FANCA: variants seen among roughly 807,000 people sequenced by gnomAD.
FANCA encodes Fanconi anemia group A protein.
A neutral mutation model predicts 194.3 loss-of-function variants in FANCA; 236 were observed. That is an observed-to-expected ratio of 1.21 (90% CI 1.09 to 1.35). The LOEUF is 1.35. Among genes scored for constraint, FANCA ranks in the 40% most tolerant of loss-of-function variants. FANCA has a pLI of 0.00. For synonymous variants in FANCA, 1,014 were observed against 715.8 expected, an observed-to-expected ratio of 1.42 and a Z score of -6.65; for missense variants, 2,628 against 1,813.9, an observed-to-expected ratio of 1.45 and a Z score of -8.15.
intron 32 of FANCA, 117 bp from the exon 33 acceptor site, chr16:89,748,884 C>G: frequency 2.4e-6 from 2 of 820,924 alleles, no homozygotes; most frequent in Non-Finnish European, 4.1e-6. Context: ...ACTGTTGGAA[C>G]CAGAGCCTTG....
intron 29 of FANCA, among the ~76,000 whole-genome samples, chr16:89,760,612 G>A (rs1463219137): frequency 1.3e-5 from 2 of 152,104 alleles, no homozygotes; most frequent in African/African-American, 4.8e-5. Context: ...ACGGTCCTCT[G>A]GGCTCCCTAC....
In FANCA at chr16:89,816,414, C is replaced by G. The variant is rs1220012166; in HGVS notation, c.79+123G>C. On this transcript the variant is annotated intron_variant, in intron 1 of 42. Transcript: ENST00000389301. ...CCAGCCGGGCGCCCACCCCGCACAG[C>G]CCCCCGGGCGCGGCGTCCGGGGATC... 4.6e-6 allele frequency: 4 copies of G among 862,422 alleles called. No individual in the cohort carries two copies. In the East Asian group the frequency reaches 1.1e-4, roughly 23 times the overall value. 53.4% of individuals were successfully genotyped at this position (862,422 alleles called of 1,614,324 possible).
At chr16:89,816,351 G>A in intron 1 of FANCA, 186 bp downstream of exon 1, 2 of 322,674 alleles carry the variant, frequency 6.2e-6, no homozygotes, top group Non-Finnish European at 1.1e-5. Flanking sequence ...CGTCCGCCCA[G>A]GCGCAGGAGG....
chr16:89,772,084 G>A (rs752327820), intron 22 of FANCA, among the ~76,000 whole-genome samples: 2 of 152,158 alleles, frequency 1.3e-5, no homozygotes, highest in Admixed American at 6.6e-5. Flanking sequence ...TCACCAACAT[G>A]AACCTCCCCA....
intron 3 of FANCA, among the ~76,000 whole-genome samples, chr16:89,812,519 G>T (rs951217220): frequency 3.3e-5 from 5 of 151,362 alleles, no homozygotes; most frequent in African/African-American, 1.2e-4. Flanking sequence ...GGTGGTGCAT[G>T]CCTGTAATAC....
intron 7 of FANCA, among the ~76,000 whole-genome samples, chr16:89,804,645 C>G (rs1325588803): frequency 6.6e-6 from 1 of 152,172 alleles, no homozygotes; most frequent in Non-Finnish European, 1.5e-5. Context: ...ACTCCTCAAA[C>G]TGGGTTGGTC....
chr16:89,815,990 C>T lies in FANCA; in HGVS notation c.80-4G>A, dbSNP rs747881254. On this transcript the variant is annotated splice_region_variant and splice_polypyrimidine_tract_variant and intron_variant, in intron 1 of 42. Coordinates refer to ENST00000389301, the MANE Select transcript of FANCA (RefSeq NM_000135.4). ...TTTTCCCTCTTGACCCTTCCCGCTACGGAGAGAAGTCGGTTCGAAACCATC... is the reference window on the plus strand; with the variant it reads ...TTTTCCCTCTTGACCCTTCCCGCTATGGAGAGAAGTCGGTTCGAAACCATC... The T allele has an allele frequency of 3.7e-6, 6 of 1,609,364 alleles. No homozygotes were observed. Among genetic ancestry groups the T allele is most frequent in the Non-Finnish European group, 5.1e-6 (6 of 1,175,776 alleles).
Position 89,749,819 on chromosome 16 carries a change from C to T in FANCA, c.3150G>A (p.Glu1050=), listed in dbSNP as rs2143139115. 6.2e-7 allele frequency: 1 copy of T among 1,614,214 alleles called. No individual in the cohort carries two copies. Among genetic ancestry groups the T allele is most frequent in the Non-Finnish European group, 8.5e-7 (1 of 1,180,034 alleles). ...GAGCCTGGAGCCGTCTGCGGAAAAT[C>T]TCAAAGAGGAAGTGCTCCTGGGAAG... The part of the protein sequence containing the change: ...HTPSQEHFLF[E]IFRRRLQALT... The change falls in exon 32 of 43, where the codon GAG becomes GAA. Residue 1050 remains glutamate, a synonymous_variant. Transcript: ENST00000389301.
chr16:89,792,506 G>A lies in FANCA; in HGVS notation c.1048C>T (p.Arg350Trp), dbSNP rs150290184. ...VQMQREWSFA[R>W]THPLLTSLYR... ...AGTGAGGTGAGCAGAGGGTGTGTCC[G>A]CGCAAAGCTCCACTCTCTCTGCATC... is the stretch of plus-strand genomic sequence containing the variant. Residue 350 changes from arginine (R) to tryptophan (W), a missense_variant, in exon 12 of 43, where the codon CGG becomes TGG. By Grantham distance (101) the Arg-to-Trp change is moderately radical. Transcript: ENST00000389301. The A allele has an allele frequency of 9.9e-6, 16 of 1,613,338 alleles. No individual in the cohort carries two copies. The highest frequency in any genetic ancestry group is 6.7e-5 in the African/African-American group (5 of 74,902).
At position 89,739,234 on chromosome 16, in the gene FANCA, C is replaced by T; in HGVS notation, c.4066G>A (p.Val1356Ile). The change falls in exon 41 of 43, where the codon GTT becomes ATT. Residue 1356 changes from valine to isoleucine, a missense_variant. Transcript: ENST00000389301. ...AGCTTCAAGTACATGTCCACAGCAA[C>T]ATGCAGGAAGGCCTCTTCCCTGATG... The part of the protein sequence containing the change: ...AAIREEAFLH[V>I]AVDMYLKLVQ... 6.2e-7 allele frequency: 1 copy of T among 1,614,162 alleles called. No homozygotes were observed. The highest frequency in any genetic ancestry group is 2.2e-5 in the East Asian group (1 of 44,894).
intron 38 of FANCA, 97 bp from the exon 39 acceptor site, chr16:89,740,196 T>TCTG: frequency 1.0e-6 from 1 of 984,556 alleles, no homozygotes; most frequent in Non-Finnish European, 1.6e-6. Context: ...CATTTCCTCT[T>TCTG]TGCTTATTGT....
At chr16:89,787,160 G>A (rs1487621908) in intron 14 of FANCA, among the ~76,000 whole-genome samples, 1 of 152,192 alleles carries the variant, frequency 6.6e-6, no homozygotes, top group Non-Finnish European at 1.5e-5. Flanking sequence ...TGGGTGCAGT[G>A]GCTCAATCCG....
intron 7 of FANCA, 46 bp from the exon 8 acceptor site, chr16:89,803,387 C>A (rs1204532713): frequency 6.5e-7 from 1 of 1,544,242 alleles, no homozygotes; most frequent in Non-Finnish European, 9.0e-7. Flanking sequence ...TCATGGTCTC[C>A]AAGCAACTGT....
chr16:89,806,392 C>T (rs1413422322), intron 6 of FANCA, among the ~76,000 whole-genome samples: 2 of 115,516 alleles, frequency 1.7e-5, no homozygotes, highest in Non-Finnish European at 3.3e-5. Context: ...GGGTGTTTCT[C>T]GCAGAGGGGG....
chr16:89,790,613 C>G (rs1412960940), intron 14 of FANCA, among the ~76,000 whole-genome samples: 1 of 151,712 alleles, frequency 6.6e-6, no homozygotes, highest in Non-Finnish European at 1.5e-5. Context: ...CCTGTAATCC[C>G]AGCTACTCAG....
chr16:89,806,215 G>A (rs140101266), intron 6 of FANCA, among the ~76,000 whole-genome samples: 112 of 152,202 alleles, frequency 7.4e-4, no homozygotes, highest in Non-Finnish European at 1.4e-3. Flanking sequence ...ACCTGGCCTT[G>A]GCCTGAACCT....
Position 89,770,263 on chromosome 16 carries a change from C to T in FANCA, c.2223-4G>A. 1 of 1,568,842 alleles carries T rather than the reference C, an allele frequency of 6.4e-7. No individual in the cohort carries two copies. Among genetic ancestry groups the T allele is most frequent in the Non-Finnish European group, 8.6e-7 (1 of 1,156,604 alleles). ...GAGGGCAGCCCAGGGACCCTGCCTG[C>T]AGAGACAGCCGTGAAACCATCAGTA... is the stretch of plus-strand genomic sequence containing the variant. On this transcript the variant is annotated splice_region_variant and splice_polypyrimidine_tract_variant and intron_variant, in intron 24 of 42. Coordinates refer to ENST00000389301, the MANE Select transcript of FANCA (RefSeq NM_000135.4).
chr16:89,783,775 T>A (rs548977168), intron 15 of FANCA, among the ~76,000 whole-genome samples: 3 of 151,956 alleles, frequency 2.0e-5, no homozygotes, highest in South Asian at 4.2e-4. Flanking sequence ...CGTGTTTTTT[T>A]CTTTTGAGAG....
chr16:89,761,740 C>T (rs1303309552), intron 29 of FANCA, among the ~76,000 whole-genome samples: 3 of 152,158 alleles, frequency 2.0e-5, no homozygotes, highest in Non-Finnish European at 2.9e-5. Flanking sequence ...TGCTCCTGCT[C>T]AGCTTCCCAA....
Sources: gnomAD v4.1 joint callset for allele counts (sites outside exome capture counted in the v4.1 genomes callset) on GRCh38, gnomAD v4.1.1 for gene constraint, MANE v1.5 for transcripts, NCBI Gene and HGNC (gene_info 2026-07-23, HGNC 2026-07-21) for gene names.